Variants in ATP6V1H observed in about 807,000 individuals in gnomAD.
ATP6V1H encodes the protein V-type proton ATPase subunit H.
Under a neutral mutation model 71.7 loss-of-function variants are expected in ATP6V1H, and 39 were observed. That is an observed-to-expected ratio of 0.54 (90% CI 0.42 to 0.71). The LOEUF (loss-of-function observed/expected upper bound fraction) is 0.71, where lower values mean the gene tolerates loss of function less well. Among genes scored for constraint, ATP6V1H ranks in the 30% least tolerant of loss-of-function variants. ATP6V1H has a pLI of 0.00. For synonymous variants in ATP6V1H, 192 were observed against 199.3 expected (o/e 0.96, Z 0.31); for missense variants, 509 against 594.9 (o/e 0.86, Z 1.50).
chr8:53,836,972 C>G (rs1036295560), intron 2 of ATP6V1H, among the ~76,000 whole-genome samples: 6 of 152,068 alleles, frequency 3.9e-5, no homozygotes, highest in African/African-American at 7.2e-5. Context: ...GAAACTCTGT[C>G]TCCACTAAAA....
intron 8 of ATP6V1H, among the ~76,000 whole-genome samples, chr8:53,798,398 C>T (rs1355603590): frequency 6.6e-6 from 1 of 152,026 alleles, no homozygotes; most frequent in Non-Finnish European, 1.5e-5. Flanking sequence ...GTGACGCACA[C>T]TTGTAATCCT....
intron 4 of ATP6V1H, among the ~76,000 whole-genome samples, chr8:53,821,820 A>C (rs960849562): frequency 1.3e-5 from 2 of 152,218 alleles, no homozygotes; most frequent in African/African-American, 4.8e-5. Context: ...AAAAGATGCA[A>C]ATCAAAATAT....
At chr8:53,765,357 G>A (rs546540811) in intron 11 of ATP6V1H, among the ~76,000 whole-genome samples, 1 of 147,666 alleles carries the variant, frequency 6.8e-6, no homozygotes, top group South Asian at 2.1e-4. Context: ...CTGAAATTGC[G>A]CTATTGCACT....
intron 5 of ATP6V1H, among the ~76,000 whole-genome samples, chr8:53,817,029 C>T (rs10095554): frequency 0.032 from 4,934 of 152,122 alleles, 261 homozygotes; most frequent in African/African-American, 0.11. Context: ...CTATCTCCTT[C>T]CAACTCCCAA....
At chr8:53,810,462 C>T (rs1810237670) in intron 7 of ATP6V1H, among the ~76,000 whole-genome samples, 1 of 152,164 alleles carries the variant, frequency 6.6e-6, no homozygotes, top group African/African-American at 2.4e-5. Flanking sequence ...GGAAAGAAGG[C>T]CTGGCGTGGT....
In ATP6V1H at chr8:53,801,240, T is replaced by G. The variant is rs796516823; in HGVS notation, c.677+559A>C. ...TGTAGATTTTCTAACAGAGAAACAA[T>G]GCCTTGCTAAATGAAAAGAATATTT... is the stretch of plus-strand genomic sequence containing the variant. On this transcript the variant is annotated intron_variant, in intron 8 of 13. Coordinates refer to ENST00000359530, the MANE Select transcript of ATP6V1H (RefSeq NM_015941.4). Among the ~76,000 whole-genome samples, 3 of 152,318 alleles carry G rather than the reference T, an allele frequency of 2.0e-5. 1 individual carries two copies. The highest frequency in any genetic ancestry group is 7.2e-5 in the African/African-American group (3 of 41,560).
intron 2 of ATP6V1H, among the ~76,000 whole-genome samples, chr8:53,836,638 T>G (rs1184579537): frequency 1.3e-5 from 2 of 152,162 alleles, no homozygotes; most frequent in Non-Finnish European, 2.9e-5. Flanking sequence ...CAATTCAACC[T>G]TCTTCAAAAC....
chr8:53,724,397 C>T (rs1806732367), intron 13 of ATP6V1H, among the ~76,000 whole-genome samples: 1 of 152,008 alleles, frequency 6.6e-6, no homozygotes, highest in Non-Finnish European at 1.5e-5. Flanking sequence ...CTCCTTCTTC[C>T]TCAATAACAG....
rs567145976 is a variant in ATP6V1H at position 53,762,155 on chromosome 8, C to T, written c.1176-5499G>A. The stretch of plus-strand genomic sequence containing the variant: ...ATTTCCAGTGCTCTTTAGTGACAAA[C>T]TATTGTATTGAGCAGCACAGATATA... On this transcript the variant is annotated intron_variant, in intron 11 of 13. Coordinates refer to ENST00000359530, the MANE Select transcript of ATP6V1H (RefSeq NM_015941.4). Among the ~76,000 whole-genome samples, 3 of 151,906 alleles carry T rather than the reference C, an allele frequency of 2.0e-5. No homozygotes were observed. The South Asian group carries it at 6.2e-4, about 31-fold the overall frequency.
intron 8 of ATP6V1H, among the ~76,000 whole-genome samples, chr8:53,800,306 A>G (rs192496746): frequency 1.1e-3 from 170 of 152,290 alleles, no homozygotes; most frequent in African/African-American, 3.7e-3. Context: ...ACTATATGCT[A>G]TGTCTGTGAG....
Position 53,732,946 on chromosome 8 carries a change from C to T in ATP6V1H, c.1391+10631G>A, listed in dbSNP as rs541730269. Among the ~76,000 whole-genome samples, 102 of 152,236 alleles carry T rather than the reference C, an allele frequency of 6.7e-4. 1 individual carries two copies. Among genetic ancestry groups the T allele is most frequent in the South Asian group, 5.4e-3 (26 of 4,812 alleles). ...GTCAAGATAGTCAAGCAGGCAGTCTCAAATCTGGCCGTGCTCGAGCTATGC... is the reference window on the plus strand; with the variant it reads ...GTCAAGATAGTCAAGCAGGCAGTCTTAAATCTGGCCGTGCTCGAGCTATGC... On this transcript the variant is annotated intron_variant, in intron 13 of 13. Coordinates refer to ENST00000359530, the MANE Select transcript of ATP6V1H (RefSeq NM_015941.4).
At chr8:53,808,438 A>G (rs1262700450) in intron 7 of ATP6V1H, among the ~76,000 whole-genome samples, 1 of 152,220 alleles carries the variant, frequency 6.6e-6, no homozygotes, top group Non-Finnish European at 1.5e-5. Context: ...CAAATAATGC[A>G]CTTTAAGGAA....
intron 7 of ATP6V1H, among the ~76,000 whole-genome samples, chr8:53,807,466 T>C (rs1810120707): frequency 6.6e-6 from 1 of 152,100 alleles, no homozygotes. Flanking sequence ...AAGTCCTTTT[T>C]CCTCTCAATC....
intron 7 of ATP6V1H, among the ~76,000 whole-genome samples, chr8:53,807,579 G>A (rs1810124875): frequency 6.6e-6 from 1 of 152,190 alleles, no homozygotes; most frequent in Non-Finnish European, 1.5e-5. Flanking sequence ...TCAGTTATAT[G>A]TAATGTCCAA....
At chr8:53,833,148 G>A (rs2130529825) in intron 2 of ATP6V1H, 62 bp from the exon 3 acceptor site, 5 of 1,316,136 alleles carry the variant, frequency 3.8e-6, no homozygotes, top group Non-Finnish European at 5.4e-6. Flanking sequence ...AAGCGATAGA[G>A]GAATTTTCAG....
chr8:53,820,178 T>C (rs1810599423), intron 4 of ATP6V1H, among the ~76,000 whole-genome samples: 1 of 151,538 alleles, frequency 6.6e-6, no homozygotes, highest in South Asian at 2.1e-4. Flanking sequence ...TAAAATAAAA[T>C]AAACTCTAAC....
At chr8:53,760,214 T>C (rs915821811) in intron 11 of ATP6V1H, among the ~76,000 whole-genome samples, 1 of 152,204 alleles carries the variant, frequency 6.6e-6, no homozygotes, top group Non-Finnish European at 1.5e-5. Flanking sequence ...GGCTCAAGCA[T>C]GCACAGTAAG....
rs73587668 is a variant in ATP6V1H at position 53,838,039 on chromosome 8, A to G, written c.113+3539T>C. Among the ~76,000 whole-genome samples the G allele has an allele frequency of 8.8e-3, 1,345 of 152,108 alleles. 21 individuals carry two copies. The highest frequency in any genetic ancestry group is 0.03 in the African/African-American group (1,240 of 41,466). On this transcript the variant is annotated intron_variant, in intron 2 of 13. Transcript: ENST00000359530. ...ACTACCTGAAGCTCCCAAGCACTGC[A>G]TGTCCTCCCAGGCCTCAGCTCCCTG...
intron 7 of ATP6V1H, 129 bp from the exon 8 acceptor site, chr8:53,802,025 C>T (rs1809926019): frequency 6.8e-6 from 5 of 736,688 alleles, no homozygotes; most frequent in African/African-American, 1.8e-5. Flanking sequence ...ATTCCCTAAT[C>T]TCTTTTCAAA....
Sources: allele counts gnomAD v4.1 joint callset (sites outside exome capture counted in the v4.1 genomes callset), GRCh38; gene constraint gnomAD v4.1.1; transcripts MANE v1.5; gene names NCBI Gene and HGNC (gene_info 2026-07-23, HGNC 2026-07-21).